The following XG variants were observed in gnomAD, a reference collection of about 807,000 sequenced individuals.
XG encodes the protein Xg glycoprotein (Xg blood group).
A neutral mutation model predicts 25.7 loss-of-function variants in XG; 24 were observed. The observed-to-expected ratio is 0.93, with a 90% CI of 0.68 to 1.31. The LOEUF is 1.31. XG is among the 40% of genes most tolerant of loss of function. XG has a pLI of 0.00. For synonymous variants in XG, 77 were observed against 69.2 expected (o/e 1.11, Z -0.56); for missense variants, 181 against 187.6 (o/e 0.96, Z 0.21).
chrX:2,767,357 C>G (rs2050723271), intron 1 of XG, among the ~76,000 whole-genome samples: 2 of 152,198 alleles, frequency 1.3e-5, no homozygotes, highest in South Asian at 4.2e-4. Context: ...ACAGGAGCCA[C>G]TTAATCGACA....
chrX:2,797,426 C>T lies in XG; in HGVS notation c.373+66C>T. 8 of 1,125,045 alleles carry T rather than the reference C, an allele frequency of 7.1e-6. No individual in the cohort carries two copies. In the Admixed American group the frequency reaches 1.1e-4, roughly 16 times the overall value. 92.7% of individuals were successfully genotyped at this position (1,125,045 alleles called of 1,213,427 possible). A position where few individuals can be genotyped will look rare whatever the true frequency, so the allele number is the denominator to read the frequency against. The stretch of plus-strand genomic sequence containing the variant: ...GGAGGGGTCATCTTTCTAGGGCTCC[C>T]GCTTGCACTCTGCCCTGGGCCTTCT... On this transcript the variant is annotated intron_variant, in intron 7 of 10. Transcript: ENST00000644266.
intron 1 of XG, among the ~76,000 whole-genome samples, chrX:2,760,523 C>T (rs1425819916): frequency 6.7e-6 from 1 of 149,086 alleles, no homozygotes; most frequent in East Asian, 2.0e-4. Context: ...ATCATGAGGT[C>T]AGGAGATGGA....
rs2050343840 is a variant in XG at position 2,752,204 on chromosome X, G to A, written c.-71G>A. 4.4e-6 allele frequency: 7 copies of A among 1,608,698 alleles called. No homozygotes were observed. In the Admixed American group the frequency reaches 5.0e-5, roughly 12 times the overall value. Reference sequence around the variant, plus strand: ...GAGACCAGAAGTCAACAACAGGAGGGTGGAGAGGCCGGGTCTCACAATCCG... The same window carrying A: ...GAGACCAGAAGTCAACAACAGGAGGATGGAGAGGCCGGGTCTCACAATCCG... On this transcript the variant is annotated 5_prime_UTR_variant, in exon 1 of 11. It adds an upstream start codon to the 5' untranslated region. Coordinates refer to ENST00000644266, the MANE Select transcript of XG (RefSeq NM_001141919.2).
At chrX:2,810,102 G>C (rs1266164200) in intron 9 of XG, among the ~76,000 whole-genome samples, 1 of 111,552 alleles carries the variant, frequency 9.0e-6, no homozygotes, top group Non-Finnish European at 1.9e-5. Context: ...CCGTAGAGCA[G>C]GTTCTTGCGT....
rs180671023 is a variant in XG at position 2,757,065 on chromosome X, C to T, written c.61+4730C>T. On this transcript the variant is annotated intron_variant, in intron 1 of 10. Transcript: ENST00000644266. ...GTTGCCAGATGGAGATGACTCTTAGCGGGATGGTTGGGGAGTTGGAAAGGG... is the reference window on the plus strand; with the variant it reads ...GTTGCCAGATGGAGATGACTCTTAGTGGGATGGTTGGGGAGTTGGAAAGGG... Among the ~76,000 whole-genome samples, 18 of 152,148 alleles carry T rather than the reference C, an allele frequency of 1.2e-4. No homozygotes were observed. The East Asian group carries it at 1.4e-3, about 11-fold the overall frequency.
intron 4 of XG, among the ~76,000 whole-genome samples, chrX:2,782,657 A>G (rs890254127): frequency 1.8e-4 from 20 of 111,023 alleles, no homozygotes; most frequent in Non-Finnish European, 1.9e-5. Flanking sequence ...TGGTTGAGCC[A>G]GATTACCGGG....
chrX:2,762,221 G>T (rs189563029), intron 1 of XG, among the ~76,000 whole-genome samples: 1 of 152,130 alleles, frequency 6.6e-6, no homozygotes, highest in Non-Finnish European at 1.5e-5. Flanking sequence ...CCTCTTCGAC[G>T]ACAAAATACT....
intron 1 of XG, among the ~76,000 whole-genome samples, chrX:2,767,884 A>G (rs1019640419): frequency 6.6e-6 from 1 of 152,146 alleles, no homozygotes; most frequent in Non-Finnish European, 1.5e-5. Context: ...TCACGCGTGC[A>G]GCAACTTCTG....
At chrX:2,766,885 T>C (rs1021655458) in intron 1 of XG, among the ~76,000 whole-genome samples, 2 of 152,004 alleles carry the variant, frequency 1.3e-5, no homozygotes, top group Non-Finnish European at 2.9e-5. Flanking sequence ...TTTATACAGA[T>C]AGGATAGAGG....
chrX:2,759,768 G>T (rs892201789), intron 1 of XG, among the ~76,000 whole-genome samples: 3 of 152,206 alleles, frequency 2.0e-5, no homozygotes, highest in South Asian at 4.1e-4. Context: ...TGGCACACAG[G>T]GGGTAGAAAA....
chrX:2,794,307 A>G (rs1417823626), intron 5 of XG, among the ~76,000 whole-genome samples: 2 of 112,122 alleles, frequency 1.8e-5, no homozygotes, highest in Non-Finnish European at 3.8e-5. Context: ...CATCAGCAAT[A>G]TGAGGCCACA....
At chrX:2,783,140 C>T (rs1338433540) in intron 4 of XG, among the ~76,000 whole-genome samples, 1 of 111,276 alleles carries the variant, frequency 9.0e-6, no homozygotes, top group Non-Finnish European at 1.9e-5. Context: ...GAGACAAGTC[C>T]TTTCTCTCAC....
chrX:2,807,682 GC>G (rs1230362455), intron 8 of XG, among the ~76,000 whole-genome samples: 7 of 112,531 alleles, frequency 6.2e-5, no homozygotes, highest in Non-Finnish European at 1.3e-4. Flanking sequence ...CTTCTGTGTT[GC>G]ATTTGTATTT....
chrX:2,758,495 C>T (rs1307262510), intron 1 of XG, among the ~76,000 whole-genome samples: 1 of 152,212 alleles, frequency 6.6e-6, no homozygotes, highest in East Asian at 1.9e-4. Flanking sequence ...GGATCACTGC[C>T]ACAGTGGGGA....
intron 2 of XG, among the ~76,000 whole-genome samples, chrX:2,772,209 T>C (rs1438713746): frequency 6.6e-6 from 1 of 152,210 alleles, no homozygotes; most frequent in Non-Finnish European, 1.5e-5. Context: ...GGAGTTCCAC[T>C]TCTAGACAGA....
intron 1 of XG, among the ~76,000 whole-genome samples, chrX:2,763,829 A>G (rs190372315): frequency 6.9e-4 from 105 of 152,186 alleles, no homozygotes; most frequent in African/African-American, 2.4e-3. Context: ...TCACTTCCTC[A>G]CGCTGCAATC....
chrX:2,803,447 A>T (rs984815416), intron 7 of XG, among the ~76,000 whole-genome samples: 2 of 111,706 alleles, frequency 1.8e-5, no homozygotes, highest in Admixed American at 1.9e-4. Context: ...AGAGTAATTC[A>T]TGCAGAGCCA....
intron 1 of XG, among the ~76,000 whole-genome samples, chrX:2,754,330 G>A (rs1290359060): frequency 2.6e-5 from 4 of 152,112 alleles, no homozygotes; most frequent in Admixed American, 2.6e-4. Flanking sequence ...GAACATCTCA[G>A]CTCAAACGAT....
intron 1 of XG, among the ~76,000 whole-genome samples, chrX:2,769,624 A>G (rs1169631110): frequency 1.3e-5 from 2 of 152,170 alleles, no homozygotes; most frequent in East Asian, 3.9e-4. Context: ...CAAGTGAGGA[A>G]CAAGATCAAG....
Sources: allele counts gnomAD v4.1 joint callset (sites outside exome capture counted in the v4.1 genomes callset), GRCh38; gene constraint gnomAD v4.1.1; transcripts MANE v1.5; gene names NCBI Gene and HGNC (gene_info 2026-07-23, HGNC 2026-07-21).